The following BAALC variants were observed in gnomAD, a reference collection of about 807,000 sequenced individuals.
BAALC encodes the protein BAALC binder of MAP3K1 and KLF4.
BAALC carries 9 observed loss-of-function variants against 15.5 expected under a neutral mutation model. That is an observed-to-expected ratio of 0.58 (90% CI 0.35 to 1.02). BAALC has a LOEUF of 1.02. BAALC is among the 50% of genes least tolerant of loss of function. The probability of loss-of-function intolerance (pLI) is 0.02; values close to 1 mark genes in which losing one functional copy is unlikely to be tolerated. For missense variants in BAALC, 201 were observed against 192.4 expected, an observed-to-expected ratio of 1.04 and a Z score of -0.27; for synonymous variants, 80 against 74.6, an observed-to-expected ratio of 1.07 and a Z score of -0.37.
chr8:103,195,151 G>A (rs1241265398), intron 1 of BAALC, among the ~76,000 whole-genome samples: 1 of 152,104 alleles, frequency 6.6e-6, no homozygotes, highest in African/African-American at 2.4e-5. Flanking sequence ...GCACCTTACT[G>A]GAGTCCCATC....
chr8:103,196,280 GT>G, intron 1 of BAALC, among the ~76,000 whole-genome samples: 1 of 149,488 alleles, frequency 6.7e-6, no homozygotes, highest in South Asian at 2.1e-4. Flanking sequence ...TGTTTTTGTT[GT>G]TATTGTTATC....
intron 1 of BAALC, among the ~76,000 whole-genome samples, chr8:103,186,075 G>A (rs1399857300): frequency 6.6e-6 from 1 of 152,106 alleles, no homozygotes; most frequent in Non-Finnish European, 1.5e-5. Context: ...TGGAGAATGG[G>A]ATGCCCAGCC....
intron 1 of BAALC, among the ~76,000 whole-genome samples, chr8:103,159,859 C>G (rs1224960635): frequency 6.6e-6 from 1 of 152,126 alleles, no homozygotes; most frequent in Non-Finnish European, 1.5e-5. Context: ...AAGTACTATA[C>G]TTAGAGCCTA....
At chr8:103,181,555 A>G (rs1451174817) in intron 1 of BAALC, among the ~76,000 whole-genome samples, 2 of 152,152 alleles carry the variant, frequency 1.3e-5, no homozygotes, top group African/African-American at 4.8e-5. Context: ...TACAGGTGTG[A>G]GCCACCTCGC....
At chr8:103,182,506 A>G (rs550910575) in intron 1 of BAALC, among the ~76,000 whole-genome samples, 5 of 152,258 alleles carry the variant, frequency 3.3e-5, no homozygotes, top group Admixed American at 6.5e-5. Context: ...TAGATTTAAC[A>G]TGAAGTAAGT....
chr8:103,193,554 C>T (rs1018659125), intron 1 of BAALC, among the ~76,000 whole-genome samples: 1 of 152,198 alleles, frequency 6.6e-6, no homozygotes, highest in African/African-American at 2.4e-5. Context: ...CTCACCTACT[C>T]TTTCTTCTTT....
intron 1 of BAALC, among the ~76,000 whole-genome samples, chr8:103,162,645 GTATTCTAT>G (rs1811252180): frequency 6.6e-6 from 1 of 152,090 alleles, no homozygotes. Flanking sequence ...TATTTCTCCT[GTATTCTAT>G]TGGTTATAAA....
At chr8:103,162,679 C>T (rs542306754) in intron 1 of BAALC, among the ~76,000 whole-genome samples, 1 of 152,150 alleles carries the variant, frequency 6.6e-6, no homozygotes, top group South Asian at 2.1e-4. Context: ...CACAAGCCTG[C>T]CCAGATTTAA....
chr8:103,173,486 A>G (rs1811543009), intron 1 of BAALC, among the ~76,000 whole-genome samples: 1 of 152,250 alleles, frequency 6.6e-6, no homozygotes, highest in African/African-American at 2.4e-5. Flanking sequence ...AGTTGAGATC[A>G]TTTGGATGAT....
chr8:103,199,982 A>G (rs34185273), intron 1 of BAALC, among the ~76,000 whole-genome samples: 16,593 of 152,250 alleles, frequency 0.11, 1,263 homozygotes, highest in East Asian at 0.3. Flanking sequence ...TGCAAAGGAC[A>G]TGATCTTGTT....
chr8:103,141,328 G>C (rs1267732802), intron 1 of BAALC: 1 of 390,788 alleles, frequency 2.6e-6, no homozygotes, highest in East Asian at 4.1e-5. Context: ...CTCGCTGGTC[G>C]GGAGACCGGT....
intron 2 of BAALC, among the ~76,000 whole-genome samples, chr8:103,217,325 A>T (rs775434604): frequency 7.9e-5 from 12 of 152,250 alleles, no homozygotes; most frequent in Non-Finnish European, 1.6e-4. Flanking sequence ...TAAGATGTTT[A>T]GAAGCTAAGT....
chr8:103,166,898 C>G (rs765392779), intron 1 of BAALC, among the ~76,000 whole-genome samples: 2 of 152,140 alleles, frequency 1.3e-5, no homozygotes, highest in African/African-American at 4.8e-5. Context: ...CTTTAAGATG[C>G]TTTAAATCTA....
chr8:103,227,630 T>G (rs4002032), intron 2 of BAALC, among the ~76,000 whole-genome samples: 6,844 of 152,260 alleles, frequency 0.045, 171 homozygotes, highest in African/African-American at 0.075. Context: ...TCATTGAGCA[T>G]GAGACAAATG....
chr8:103,180,791 AATAG>A (rs1407736925), intron 1 of BAALC, among the ~76,000 whole-genome samples: 1 of 152,220 alleles, frequency 6.6e-6, no homozygotes, highest in Non-Finnish European at 1.5e-5. Flanking sequence ...ATTGTGTGAA[AATAG>A]ATAGGATTGA....
At chr8:103,161,034 T>A (rs1480953067) in intron 1 of BAALC, among the ~76,000 whole-genome samples, 1 of 152,214 alleles carries the variant, frequency 6.6e-6, no homozygotes, top group African/African-American at 2.4e-5. Context: ...TCACAGTGGT[T>A]AAGCCATCAA....
chr8:103,194,573 A>G (rs934613184), intron 1 of BAALC, among the ~76,000 whole-genome samples: 13 of 152,222 alleles, frequency 8.5e-5, no homozygotes, highest in African/African-American at 2.7e-4. Flanking sequence ...GAATCATAGT[A>G]TAATAAAAGG....
intron 1 of BAALC, among the ~76,000 whole-genome samples, chr8:103,176,793 C>T (rs151061235): frequency 2.6e-5 from 4 of 152,230 alleles, no homozygotes; most frequent in African/African-American, 4.8e-5. Flanking sequence ...TGACATGATC[C>T]GGGAAATTTT....
At chr8:103,161,081 T>G (rs1811214709) in intron 1 of BAALC, among the ~76,000 whole-genome samples, 1 of 152,204 alleles carries the variant, frequency 6.6e-6, no homozygotes, top group South Asian at 2.1e-4. Flanking sequence ...TTCATTTTAC[T>G]TTTGCATTTC....
Sources: gnomAD v4.1 joint callset for allele counts (sites outside exome capture counted in the v4.1 genomes callset) on GRCh38, gnomAD v4.1.1 for gene constraint, MANE v1.5 for transcripts, NCBI Gene and HGNC (gene_info 2026-07-23, HGNC 2026-07-21) for gene names.